SASS6: variants seen among roughly 807,000 people sequenced by gnomAD.
SASS6 encodes SAS-6 centriolar assembly protein.
A neutral mutation model predicts 94.9 loss-of-function variants in SASS6; 59 were observed. The ratio of observed to expected loss-of-function variants is 0.62; its 90% CI spans 0.50 to 0.77. The LOEUF is 0.77. Among genes scored for constraint, SASS6 ranks in the 30% least tolerant of loss-of-function variants. The pLI, the probability that SASS6 is intolerant of heterozygous loss-of-function variation, is 0.00. For missense variants in SASS6, 698 were observed against 734.1 expected (o/e 0.95, Z 0.57); for synonymous variants, 264 against 270.0 (o/e 0.98, Z 0.22).
At chr1:100,102,582 G>A (rs11586046) in intron 14 of SASS6, among the ~76,000 whole-genome samples, 2 of 151,492 alleles carry the variant, frequency 1.3e-5, no homozygotes, top group East Asian at 1.9e-4. Context: ...AGGAGGCTGA[G>A]GCACGAGAAT....
At chr1:100,089,908 A>T (rs1009427413) in intron 14 of SASS6, among the ~76,000 whole-genome samples, 2 of 152,052 alleles carry the variant, frequency 1.3e-5, no homozygotes, top group Non-Finnish European at 2.9e-5. Context: ...AAAGAAAAAA[A>T]AAAAGTAGAG....
intron 1 of SASS6, among the ~76,000 whole-genome samples, chr1:100,127,965 T>C (rs1372878905): frequency 6.6e-6 from 1 of 152,198 alleles, no homozygotes; most frequent in Admixed American, 6.5e-5. Flanking sequence ...ATAAATGCCA[T>C]AGTGGTATGA....
intron 7 of SASS6, among the ~76,000 whole-genome samples, chr1:100,118,740 T>C (rs890257381): frequency 8.8e-6 from 1 of 114,014 alleles, no homozygotes; most frequent in Non-Finnish European, 1.9e-5. Context: ...TGGGTACATA[T>C]ATAAATGACA....
intron 14 of SASS6, among the ~76,000 whole-genome samples, chr1:100,093,174 CTTTTT>C (rs909537970): frequency 1.3e-3 from 110 of 87,394 alleles, no homozygotes; most frequent in African/African-American, 4.3e-3. Context: ...CTATTGTTTT[CTTTTT>C]TTTTTTTTTT....
At chr1:100,131,683 C>A (rs1433021019) in intron 1 of SASS6, among the ~76,000 whole-genome samples, 1 of 152,242 alleles carries the variant, frequency 6.6e-6, no homozygotes, top group East Asian at 1.9e-4. Flanking sequence ...GGTTTTGGGA[C>A]CATCTCCTTG....
At chr1:100,117,957 C>A (rs1221503503) in intron 7 of SASS6, among the ~76,000 whole-genome samples, 1 of 151,588 alleles carries the variant, frequency 6.6e-6, no homozygotes, top group East Asian at 1.9e-4. Flanking sequence ...AGATGCTTAT[C>A]TTCACAAAAA....
chr1:100,121,563 A>C lies in SASS6; in HGVS notation c.312-14T>G, dbSNP rs1253970655. On this transcript the variant is annotated splice_polypyrimidine_tract_variant and intron_variant, in intron 4 of 16. Coordinates refer to ENST00000287482, the MANE Select transcript of SASS6 (RefSeq NM_194292.3). ...TGTAGCAAAAACCTTTGAAAAGAAA[A>C]TGTTACATTATAACACACTTAAGAG... 7 of 1,478,050 alleles carry C rather than the reference A, an allele frequency of 4.7e-6. No individual in the cohort carries two copies. The highest frequency in any genetic ancestry group is 6.6e-6 in the Non-Finnish European group (7 of 1,067,734). The allele number at this position is 1,478,050 out of a possible 1,614,324, so 91.6% of individuals were successfully genotyped here. A position where few individuals can be genotyped will look rare whatever the true frequency, so the allele number is the denominator to read the frequency against.
intron 14 of SASS6, among the ~76,000 whole-genome samples, chr1:100,096,755 T>C (rs1000490076): frequency 2.6e-5 from 4 of 152,222 alleles, no homozygotes; most frequent in African/African-American, 9.6e-5. Context: ...ATTTTAATAT[T>C]GATGTTAAAT....
At position 100,085,647 on chromosome 1, in the gene SASS6, T is replaced by C. The variant is rs1313564244; in HGVS notation, c.1773-17A>G. The C allele has an allele frequency of 4.9e-6, 7 of 1,440,516 alleles. No homozygotes were observed. In the Admixed American group the frequency reaches 1.0e-4, roughly 21 times the overall value. The allele number at this position is 1,440,516 out of a possible 1,614,324, so 89.2% of individuals were successfully genotyped here. On this transcript the variant is annotated splice_polypyrimidine_tract_variant and intron_variant, in intron 15 of 16. Coordinates refer to ENST00000287482, the MANE Select transcript of SASS6 (RefSeq NM_194292.3). ...TTTTCACCACTTAAAAAGAAAATGG[T>C]AATAACTTATTTAACAAAGTCTTTA...
intron 16 of SASS6, 28 bp from the exon 17 acceptor site, chr1:100,085,462 T>TG: frequency 6.4e-7 from 1 of 1,566,684 alleles, no homozygotes; most frequent in South Asian, 1.1e-5. Flanking sequence ...AAAAGGTTAC[T>TG]GGTATTCATT....
At chr1:100,111,358 G>A (rs72973335) in intron 7 of SASS6, among the ~76,000 whole-genome samples, 5,017 of 151,942 alleles carry the variant, frequency 0.033, 301 homozygotes, top group African/African-American at 0.11. Flanking sequence ...CTTAGCATTT[G>A]CACCTTCTCA....
At chr1:100,132,701 G>A (rs376243457) in intron 1 of SASS6, 49 bp downstream of exon 1, 45 of 1,467,758 alleles carry the variant, frequency 3.1e-5, no homozygotes, top group Non-Finnish European at 4.1e-5. Context: ...TTTCCCCATT[G>A]GCCTGACCCC....
intron 8 of SASS6, 152 bp from the exon 9 acceptor site, chr1:100,108,156 T>A (rs1653053898): frequency 2.0e-6 from 1 of 498,410 alleles, no homozygotes; most frequent in Admixed American, 3.7e-5. Flanking sequence ...ATAAATGTCT[T>A]TCTAATGGTA....
rs1416585541 is a variant in SASS6, at chr1:100,085,247, G to C, written c.*81C>G. On this transcript the variant is annotated 3_prime_UTR_variant, in exon 17 of 17. Transcript: ENST00000287482. ...AAGTAAAATTTGAAACTTGCTATTT[G>C]AGGATCTGGTTTGTGTTGACATATT... is the stretch of plus-strand genomic sequence containing the variant. 2 of 866,166 alleles carry C rather than the reference G, an allele frequency of 2.3e-6. No homozygotes were observed. Among genetic ancestry groups the C allele is most frequent in the South Asian group, 2.8e-5 (2 of 72,716 alleles). 53.7% of individuals were successfully genotyped at this position (866,166 alleles called of 1,614,324 possible).
Position 100,110,440 on chromosome 1 carries a change from T to C in SASS6, c.713A>G (p.Asp238Gly). The C allele has an allele frequency of 1.2e-6, 2 of 1,611,218 alleles. No homozygotes were observed. The highest frequency in any genetic ancestry group is 8.5e-7 in the Non-Finnish European group (1 of 1,178,302). The change falls in exon 8 of 17, where the codon GAT becomes GGT. Residue 238 changes from aspartate (D) to glycine (G), a missense_variant. Transcript: ENST00000287482. ...GTTTTGTTGATGGAGGATTTCTAAA[T>C]CTTTTTTCTGTTGTTCATGCTGCTG... is the stretch of plus-strand genomic sequence containing the variant. ...YQQQHEQQKK[D>G]LEILHQQNIH...
chr1:100,106,982 T>A lies in SASS6; in HGVS notation c.1338A>T (p.Leu446Phe). Residue 446 changes from leucine (L) to phenylalanine (F), a missense_variant, in exon 12 of 17, where the codon TTA (leucine) becomes TTT (phenylalanine). By Grantham distance (22) the Leu-to-Phe change is conservative (BLOSUM62 0). Transcript: ENST00000287482. Reference protein sequence around the residue: ...LRIKEQEVCKLQEQLEATVKK... With the variant: ...LRIKEQEVCKFQEQLEATVKK... ...TAACTGTAGCTTCTAATTGTTCTTG[T>A]AATTTGCATACCTGAAATATATCAA... The A allele has an allele frequency of 7.2e-7, 1 of 1,380,654 alleles. No homozygotes were observed. Among genetic ancestry groups the A allele is most frequent in the Non-Finnish European group, 1.0e-6 (1 of 972,300 alleles). 85.5% of individuals were successfully genotyped at this position (1,380,654 alleles called of 1,614,324 possible).
At chr1:100,121,818 T>A (rs1326769762) in intron 4 of SASS6, among the ~76,000 whole-genome samples, 1 of 152,186 alleles carries the variant, frequency 6.6e-6, no homozygotes, top group Non-Finnish European at 1.5e-5. Context: ...GACTACCAGC[T>A]CTTTACTCTA....
intron 1 of SASS6, among the ~76,000 whole-genome samples, chr1:100,131,035 A>T (rs1654965865): frequency 6.6e-6 from 1 of 152,220 alleles, no homozygotes; most frequent in African/African-American, 2.4e-5. Flanking sequence ...TGTGATGGCA[A>T]TGTAACCAGA....
chr1:100,120,476 T>C lies in SASS6; in HGVS notation c.484-17A>G, dbSNP rs1553216988. The C allele has an allele frequency of 3.6e-6, 4 of 1,122,114 alleles. No homozygotes were observed. The highest frequency in any genetic ancestry group is 5.5e-6 in the Non-Finnish European group (4 of 733,514). 69.5% of individuals were successfully genotyped at this position (1,122,114 alleles called of 1,614,324 possible). On this transcript the variant is annotated splice_polypyrimidine_tract_variant and intron_variant, in intron 5 of 16. Coordinates refer to ENST00000287482, the MANE Select transcript of SASS6 (RefSeq NM_194292.3). ...TTTTTCTTCCTATTCATAAAAATAA[T>C]AAAATTACACAGTTTACAATGTAAT...
Sources: gnomAD v4.1 joint callset for allele counts (sites outside exome capture counted in the v4.1 genomes callset) on GRCh38, gnomAD v4.1.1 for gene constraint, MANE v1.5 for transcripts, NCBI Gene and HGNC (gene_info 2026-07-23, HGNC 2026-07-21) for gene names.